The following WDR33 variants were observed in gnomAD, a reference collection of about 807,000 sequenced individuals.
The protein encoded by WDR33 is pre-mRNA 3' end processing protein WDR33.
WDR33 carries 47 observed loss-of-function variants against 164.9 expected under a neutral mutation model. The observed-to-expected ratio is 0.29, with a 90% CI of 0.23 to 0.36. The LOEUF is 0.36. Among genes scored for constraint, WDR33 ranks in the 10% least tolerant of loss-of-function variants. The pLI is 1.00. For synonymous variants in WDR33, 505 were observed against 589.0 expected (o/e 0.86, Z 2.06); for missense variants, 1,137 against 1,754.1 (o/e 0.65, Z 6.28).
intron 7 of WDR33, among the ~76,000 whole-genome samples, chr2:127,730,726 G>A (rs746284261): frequency 4.6e-5 from 7 of 152,110 alleles, no homozygotes; most frequent in Middle Eastern, 6.8e-3. Context: ...TTTTATACTT[G>A]TACATTTTGA....
intron 7 of WDR33, among the ~76,000 whole-genome samples, chr2:127,752,189 T>C (rs1027319635): frequency 1.3e-5 from 2 of 152,236 alleles, no homozygotes; most frequent in Admixed American, 6.5e-5. Flanking sequence ...TTCATCCAAC[T>C]TCCTTATCAC....
At chr2:127,743,310 A>G (rs1032957764) in intron 7 of WDR33, among the ~76,000 whole-genome samples, 1 of 152,230 alleles carries the variant, frequency 6.6e-6, no homozygotes, top group Non-Finnish European at 1.5e-5. Context: ...AAATTGCAAG[A>G]CAAAAGTGAA....
intron 1 of WDR33, among the ~76,000 whole-genome samples, chr2:127,772,436 T>TAA (rs72109909): frequency 0.039 from 5,826 of 148,874 alleles, 253 homozygotes; most frequent in South Asian, 0.17. Context: ...AAGACTGTCT[T>TAA]AAAAAAAAAA....
At position 127,723,770 on chromosome 2, in the gene WDR33, T is replaced by TAATAAA. The variant is rs1159843792; in HGVS notation, c.1197-429_1197-424dup. On this transcript the variant is annotated intron_variant, in intron 11 of 21. Coordinates refer to ENST00000322313, the MANE Select transcript of WDR33 (RefSeq NM_018383.5). The surrounding 1 kb of genome is among the most constrained non-coding windows in gnomAD (Gnocchi z 5.9). ...AGTGAGACTCTGTCTCTTAAAATAA[T>TAATAAA]AATAAAAATAAAAATAAAATGTGGG... Among the ~76,000 whole-genome samples the TAATAAA allele has an allele frequency of 2.0e-5, 3 of 150,860 alleles. No individual in the cohort carries two copies. The highest frequency in any genetic ancestry group is 4.4e-5 in the Non-Finnish European group (3 of 67,732).
chr2:127,702,268 G>T lies in WDR33; in HGVS notation c.*4055C>A, dbSNP rs1235857814. 30 of 1,129,620 alleles carry T rather than the reference G, an allele frequency of 2.7e-5. No individual in the cohort carries two copies. Among genetic ancestry groups the T allele is most frequent in the Non-Finnish European group, 3.2e-5 (29 of 907,674 alleles). 70.0% of individuals were successfully genotyped at this position (1,129,620 alleles called of 1,614,324 possible). A position where few individuals can be genotyped will look rare whatever the true frequency, so the allele number is the denominator to read the frequency against. On this transcript the variant is annotated 3_prime_UTR_variant, in exon 22 of 22. Coordinates refer to ENST00000322313, the MANE Select transcript of WDR33 (RefSeq NM_018383.5). ...GCTGAGGACTGCACGCCGCTGTGCG[G>T]AAGCCCGTGGCGAAGGCCCTGCCCT...
Position 127,721,700 on chromosome 2 carries a change from G to T in WDR33, c.1671+136C>A. ...GATTCTTTTGGAAACTAGTCTTCTA[G>T]CATAGCAACAGGAAATGGCGGTGTT... On this transcript the variant is annotated intron_variant, in intron 15 of 21. Transcript: ENST00000322313. This position sits in a 1 kb window ranked among gnomAD's most constrained non-coding sequence, Gnocchi z 4.9. 1 of 888,912 alleles carries T rather than the reference G, an allele frequency of 1.1e-6. No homozygotes were observed. The highest frequency in any genetic ancestry group is 1.6e-6 in the Non-Finnish European group (1 of 608,312). The allele number at this position is 888,912 out of a possible 1,614,324, so 55.1% of individuals were successfully genotyped here.
chr2:127,766,375 T>C (rs1303840326), intron 4 of WDR33, among the ~76,000 whole-genome samples: 1 of 152,220 alleles, frequency 6.6e-6, no homozygotes, highest in African/African-American at 2.4e-5. Context: ...TGGCTTTTCA[T>C]TGCTTACCTG....
Position 127,805,636 on chromosome 2 carries a change from G to A in WDR33, c.-24+5376C>T, listed in dbSNP as rs369279533. Among the ~76,000 whole-genome samples, 6 of 152,152 alleles carry A rather than the reference G, an allele frequency of 3.9e-5. No individual in the cohort carries two copies. The East Asian group carries it at 5.8e-4, about 15-fold the overall frequency. On this transcript the variant is annotated intron_variant, in intron 1 of 21. Transcript: ENST00000322313. ...GGTCCGGCCTCAAAGGTGGCAAGAA[G>A]AACCCTTTGAAACTGCCCAAAAAGC...
In WDR33 at chr2:127,702,068, G is replaced by A; in HGVS notation, c.*4255C>T. ...GCGCGGGCGCGCAGGTGGCCGCGCT[G>A]CTGGCCGCGCTGGTTGGGCTGCTGC... On this transcript the variant is annotated 3_prime_UTR_variant, in exon 22 of 22. Coordinates refer to ENST00000322313, the MANE Select transcript of WDR33 (RefSeq NM_018383.5). 8.3e-7 allele frequency: 1 copy of A among 1,208,676 alleles called. No individual in the cohort carries two copies. Among genetic ancestry groups the A allele is most frequent in the East Asian group, 3.5e-5 (1 of 28,536 alleles). The allele number at this position is 1,208,676 out of a possible 1,614,324, so 74.9% of individuals were successfully genotyped here.
rs570243293 is a variant in WDR33 at position 127,736,410 on chromosome 2, T to C, written c.725-9633A>G. 6 of 985,422 alleles carry C rather than the reference T, an allele frequency of 6.1e-6. No homozygotes were observed. In the South Asian group the frequency reaches 1.9e-4, roughly 31 times the overall value. 61.0% of individuals were successfully genotyped at this position (985,422 alleles called of 1,614,324 possible). ...TAAGGATTTGATCAGAACTGAGTGG[T>C]AGCACAGAAGTGTTTTTCAAGTTAT... On this transcript the variant is annotated intron_variant, in intron 7 of 21. Coordinates refer to ENST00000322313, the MANE Select transcript of WDR33 (RefSeq NM_018383.5).
At position 127,709,448 on chromosome 2, in the gene WDR33, A is replaced by T. The variant is rs754705766; in HGVS notation, c.3565+42T>A. 1.4e-5 allele frequency: 23 copies of T among 1,590,410 alleles called. No individual in the cohort carries two copies. In the Admixed American group the frequency reaches 3.0e-4, roughly 21 times the overall value. On this transcript the variant is annotated intron_variant, in intron 20 of 21. Transcript: ENST00000322313. The surrounding 1 kb of genome is among the most constrained non-coding windows in gnomAD (Gnocchi z 5.0). ...AGGGCCCTCAGAACTCACTTTGTGA[A>T]CTGCAGTCTAGAGTTACCCAACAAG...
At chr2:127,792,408 C>A (rs1366388393) in intron 1 of WDR33, among the ~76,000 whole-genome samples, 3 of 151,956 alleles carry the variant, frequency 2.0e-5, no homozygotes, top group Non-Finnish European at 4.4e-5. Flanking sequence ...CGCCTATAAT[C>A]CCAGCACTTT....
At position 127,770,675 on chromosome 2, in the gene WDR33, G is replaced by C; in HGVS notation, c.204+103C>G. The C allele has an allele frequency of 2.2e-6, 2 of 901,730 alleles. No homozygotes were observed. The highest frequency in any genetic ancestry group is 2.9e-6 in the Non-Finnish European group (2 of 688,744). 55.9% of individuals were successfully genotyped at this position (901,730 alleles called of 1,614,324 possible). A position where few individuals can be genotyped will look rare whatever the true frequency, so the allele number is the denominator to read the frequency against. ...CACTGCACTCTGGCCTGGGCAACAA[G>C]AAAGAAACTCCATCTCAAAATAAAT... On this transcript the variant is annotated intron_variant, in intron 2 of 21. Transcript: ENST00000322313. This position sits in a 1 kb window ranked among gnomAD's most constrained non-coding sequence, Gnocchi z 4.9.
chr2:127,766,280 T>C (rs1449102074), intron 4 of WDR33, among the ~76,000 whole-genome samples: 1 of 152,304 alleles, frequency 6.6e-6, no homozygotes, highest in East Asian at 1.9e-4. Context: ...AGTTGAAAAA[T>C]ACAAATACAT....
Position 127,739,343 on chromosome 2 carries a change from TC to T in WDR33, c.725-12567del, listed in dbSNP as rs145220976. ...TTTCCACTTACAGTCGACTATGATT[TC>T]CCCCCCGTAAGAAGAGAATAACCAA... On this transcript the variant is annotated intron_variant, in intron 7 of 21. Transcript: ENST00000322313. Among the ~76,000 whole-genome samples, 31 of 152,060 alleles carry T rather than the reference TC, an allele frequency of 2.0e-4. 1 individual carries two copies. The highest frequency in any genetic ancestry group is 1.7e-3 in the South Asian group (8 of 4,812).
intron 1 of WDR33, among the ~76,000 whole-genome samples, chr2:127,773,321 T>C (rs1291975836): frequency 6.6e-6 from 1 of 152,174 alleles, no homozygotes; most frequent in African/African-American, 2.4e-5. Context: ...CTGAAAAAAT[T>C]TATGATTTCC....
intron 1 of WDR33, chr2:127,798,843 A>T (rs987571459): frequency 4.6e-5 from 7 of 152,138 alleles, no homozygotes; most frequent in Non-Finnish European, 8.8e-5. Flanking sequence ...GTAAAATTTA[A>T]GTTATTGAAA....
In WDR33 at chr2:127,709,056, C is replaced by G. The variant is rs1686088521; in HGVS notation, c.3566-164G>C. ...CCACCCAGACATCAGGGTGCCTCCT[C>G]ATGTAAGAGGGGCAGGTAAGATCCA... On this transcript the variant is annotated intron_variant, in intron 20 of 21. Transcript: ENST00000322313. The surrounding 1 kb of genome is among the most constrained non-coding windows in gnomAD (Gnocchi z 5.0). Among the ~76,000 whole-genome samples the G allele has an allele frequency of 6.6e-6, 1 of 152,120 alleles. No individual in the cohort carries two copies. The highest frequency in any genetic ancestry group is 2.4e-5 in the African/African-American group (1 of 41,410).
Position 127,735,166 on chromosome 2 carries a change from C to T in WDR33, c.725-8389G>A, listed in dbSNP as rs1471916684. Among the ~76,000 whole-genome samples the T allele has an allele frequency of 2.0e-5, 3 of 152,162 alleles. No homozygotes were observed. Among genetic ancestry groups the T allele is most frequent in the Non-Finnish European group, 2.9e-5 (2 of 68,018 alleles). On this transcript the variant is annotated intron_variant, in intron 7 of 21. Transcript: ENST00000322313. The surrounding 1 kb of genome is among the most constrained non-coding windows in gnomAD (Gnocchi z 4.3). The stretch of plus-strand genomic sequence containing the variant: ...AGAACCAGTAAGGGCAGAAGGTCTG[C>T]TTTTTGACTATTCCCTTAAAGGAGG...
Sources: allele counts gnomAD v4.1 joint callset (sites outside exome capture counted in the v4.1 genomes callset), GRCh38; gene constraint gnomAD v4.1.1; non-coding constraint Gnocchi (gnomAD v3.1); transcripts MANE v1.5; gene names NCBI Gene and HGNC (gene_info 2026-07-23, HGNC 2026-07-21).